Variants in ARHGAP15 observed in about 807,000 individuals in gnomAD.
The protein encoded by ARHGAP15 is Rho GTPase activating protein 15, also known as rho GTPase-activating protein 15.
In ARHGAP15, 51 loss-of-function variants were observed where a neutral mutation model predicts 63.7. That is an observed-to-expected ratio of 0.80 (90% CI 0.64 to 1.01). The LOEUF is 1.01. Ranked by LOEUF, ARHGAP15 falls within the 50% of genes least tolerant of loss-of-function variation. The probability of loss-of-function intolerance (pLI) is 0.00; values close to 1 mark genes in which losing one functional copy is unlikely to be tolerated. For missense variants in ARHGAP15, 560 were observed against 564.6 expected, an observed-to-expected ratio of 0.99 and a Z score of 0.08; for synonymous variants, 191 against 193.8, an observed-to-expected ratio of 0.99 and a Z score of 0.12.
intron 6 of ARHGAP15, among the ~76,000 whole-genome samples, chr2:143,319,457 G>A (rs1281856678): frequency 1.3e-5 from 2 of 151,990 alleles, no homozygotes; most frequent in South Asian, 4.2e-4. Context: ...CCTGACCTCA[G>A]GTGATTCACC....
chr2:143,317,180 G>A (rs1177296161), intron 6 of ARHGAP15, among the ~76,000 whole-genome samples: 1 of 152,092 alleles, frequency 6.6e-6, no homozygotes, highest in African/African-American at 2.4e-5. Flanking sequence ...CCAGAAAATA[G>A]ACACTTTGTC....
At chr2:143,633,654 T>C (rs1680161374) in intron 12 of ARHGAP15, among the ~76,000 whole-genome samples, 1 of 152,186 alleles carries the variant, frequency 6.6e-6, no homozygotes, top group Non-Finnish European at 1.5e-5. Flanking sequence ...TCCTTACTTC[T>C]ACTGAATAGA....
chr2:143,504,208 A>G (rs546771453), intron 9 of ARHGAP15, among the ~76,000 whole-genome samples: 10 of 152,174 alleles, frequency 6.6e-5, no homozygotes, highest in Non-Finnish European at 1.3e-4. Context: ...CAGGCTTAGG[A>G]GTTTGTATTC....
At chr2:143,492,890 T>C (rs932062051) in intron 9 of ARHGAP15, among the ~76,000 whole-genome samples, 1 of 141,930 alleles carries the variant, frequency 7.0e-6, no homozygotes, top group Non-Finnish European at 1.6e-5. Flanking sequence ...CCCCGTCTCT[T>C]CTAAAAAATA....
chr2:143,735,318 C>T (rs1350482790), intron 13 of ARHGAP15, among the ~76,000 whole-genome samples: 1 of 152,140 alleles, frequency 6.6e-6, no homozygotes, highest in Non-Finnish European at 1.5e-5. Flanking sequence ...TTTGCTGGAT[C>T]ACATAACTGA....
intron 12 of ARHGAP15, among the ~76,000 whole-genome samples, chr2:143,630,969 C>G (rs1699043205): frequency 6.6e-6 from 1 of 152,004 alleles, no homozygotes; most frequent in Admixed American, 6.6e-5. Flanking sequence ...TGACAATTCT[C>G]TTTCCTTCCC....
chr2:143,250,693 C>T (rs539477708), intron 6 of ARHGAP15, 93 bp downstream of exon 6: 2 of 977,902 alleles, frequency 2.0e-6, no homozygotes, highest in Admixed American at 4.2e-5. Context: ...TTGTGATGTG[C>T]TCATGTACAT....
At chr2:143,270,035 T>C (rs34641683) in intron 6 of ARHGAP15, among the ~76,000 whole-genome samples, 33,681 of 151,838 alleles carry the variant, frequency 0.22, 4,009 homozygotes, top group South Asian at 0.35. Flanking sequence ...TGCAGGTGTG[T>C]GATCTCGGCT....
chr2:143,198,442 A>G (rs939767870), intron 2 of ARHGAP15, among the ~76,000 whole-genome samples: 1 of 151,908 alleles, frequency 6.6e-6, no homozygotes, highest in African/African-American at 2.4e-5. Context: ...ACCATAAATT[A>G]CTTATTTAAT....
intron 9 of ARHGAP15, among the ~76,000 whole-genome samples, chr2:143,506,669 T>C (rs1693338711): frequency 6.6e-6 from 1 of 152,138 alleles, no homozygotes; most frequent in Non-Finnish European, 1.5e-5. Flanking sequence ...ACAATGTACG[T>C]CAACAGTCAG....
intron 6 of ARHGAP15, among the ~76,000 whole-genome samples, chr2:143,415,512 A>C (rs1558956029): frequency 6.6e-6 from 1 of 152,214 alleles, no homozygotes. Context: ...TATAGAAAAA[A>C]AAGTTTAACT....
At chr2:143,137,476 A>C (rs1431316036) in intron 1 of ARHGAP15, among the ~76,000 whole-genome samples, 2 of 152,062 alleles carry the variant, frequency 1.3e-5, no homozygotes, top group Admixed American at 6.6e-5. Context: ...AATAAAAGAC[A>C]CTATATGTAC....
chr2:143,582,249 T>C (rs1270089068), intron 11 of ARHGAP15, among the ~76,000 whole-genome samples: 3 of 152,020 alleles, frequency 2.0e-5, no homozygotes, highest in Admixed American at 1.3e-4. Flanking sequence ...GGGAAGAAAT[T>C]TGAGGGTAGT....
intron 11 of ARHGAP15, among the ~76,000 whole-genome samples, chr2:143,622,200 G>C (rs189048901): frequency 1.3e-5 from 2 of 152,268 alleles, no homozygotes; most frequent in East Asian, 3.9e-4. Context: ...GATCTTAGCA[G>C]CAAAGTGCTT....
At chr2:143,632,701 C>T (rs1242153520) in intron 12 of ARHGAP15, among the ~76,000 whole-genome samples, 2 of 152,110 alleles carry the variant, frequency 1.3e-5, no homozygotes, top group Admixed American at 1.3e-4. Flanking sequence ...GCAAAAAGTA[C>T]CTATTGCATG....
At chr2:143,638,155 A>G (rs1167159245) in intron 12 of ARHGAP15, among the ~76,000 whole-genome samples, 7 of 147,358 alleles carry the variant, frequency 4.8e-5, no homozygotes, top group Non-Finnish European at 1.1e-4. Flanking sequence ...TACTGGGTAT[A>G]TACCCAAAGG....
intron 13 of ARHGAP15, among the ~76,000 whole-genome samples, chr2:143,712,601 G>T (rs1372315362): frequency 2.0e-5 from 3 of 152,122 alleles, no homozygotes; most frequent in Non-Finnish European, 2.9e-5. Flanking sequence ...TGAATGGATG[G>T]TCAGAGAAAG....
intron 11 of ARHGAP15, among the ~76,000 whole-genome samples, chr2:143,582,323 G>T (rs545176994): frequency 6.6e-6 from 1 of 152,294 alleles, no homozygotes; most frequent in African/African-American, 2.4e-5. Context: ...TTTCTGAATT[G>T]TGGTAATTCC....
intron 6 of ARHGAP15, among the ~76,000 whole-genome samples, chr2:143,345,408 T>C (rs919239847): frequency 3.3e-5 from 5 of 152,082 alleles, no homozygotes; most frequent in African/African-American, 1.2e-4. Flanking sequence ...ATCACTAGGT[T>C]ACCAAAATCA....
Sources: gnomAD v4.1 joint callset for allele counts (sites outside exome capture counted in the v4.1 genomes callset) on GRCh38, gnomAD v4.1.1 for gene constraint, MANE v1.5 for transcripts, NCBI Gene and HGNC (gene_info 2026-07-23, HGNC 2026-07-21) for gene names.